CTNNA3: variants seen among roughly 807,000 people sequenced by gnomAD.
CTNNA3 encodes catenin alpha 3.
In CTNNA3, 76 loss-of-function variants were observed where a neutral mutation model predicts 95.7. The observed-to-expected ratio is 0.79, with a 90% CI of 0.66 to 0.96. CTNNA3 has a LOEUF of 0.96. Among genes scored for constraint, CTNNA3 ranks in the 40% least tolerant of loss-of-function variants. The pLI is 0.00. For synonymous variants in CTNNA3, 431 were observed against 374.4 expected (o/e 1.15, Z -1.74); for missense variants, 1,191 against 1,089.8 (o/e 1.09, Z -1.31).
intron 13 of CTNNA3, among the ~76,000 whole-genome samples, chr10:66,121,923 A>G (rs2082601817): frequency 6.6e-6 from 1 of 152,214 alleles, no homozygotes; most frequent in Admixed American, 6.5e-5. Context: ...CTGGTACAAA[A>G]GATGTTCATG....
At chr10:67,526,429 T>C (rs555887497) in intron 4 of CTNNA3, among the ~76,000 whole-genome samples, 49 of 150,718 alleles carry the variant, frequency 3.3e-4, no homozygotes, top group African/African-American at 1.2e-3. Context: ...GAGATCTAAA[T>C]TAGAAATAGT....
intron 12 of CTNNA3, among the ~76,000 whole-genome samples, chr10:66,312,014 A>G (rs543754521): frequency 6.6e-6 from 1 of 152,372 alleles, no homozygotes; most frequent in African/African-American, 2.4e-5. Context: ...ACAACTAAAC[A>G]AAGCTGCTAC....
intron 5 of CTNNA3, among the ~76,000 whole-genome samples, chr10:67,233,679 A>G (rs1400486870): frequency 1.3e-5 from 2 of 150,190 alleles, no homozygotes; most frequent in Non-Finnish European, 1.5e-5. Flanking sequence ...AACTGAAGGA[A>G]ATAGACACAC....
chr10:66,189,657 C>A (rs2086560611), intron 13 of CTNNA3, among the ~76,000 whole-genome samples: 1 of 143,132 alleles, frequency 7.0e-6, no homozygotes, highest in African/African-American at 2.8e-5. Context: ...TATACACACA[C>A]ACATATATAT....
At chr10:65,982,695 ATG>A (rs368338349) in intron 16 of CTNNA3, among the ~76,000 whole-genome samples, 63 of 147,942 alleles carry the variant, frequency 4.3e-4, no homozygotes, top group Middle Eastern at 3.6e-3. Context: ...GTATATATAT[ATG>A]TGTGTGTGTG....
chr10:67,105,523 C>T (rs1374327387), intron 7 of CTNNA3, among the ~76,000 whole-genome samples: 2 of 152,164 alleles, frequency 1.3e-5, no homozygotes, highest in East Asian at 1.9e-4. Flanking sequence ...AAATATACTC[C>T]ATCTGTTCTT....
chr10:66,228,401 T>C (rs1002044679), intron 13 of CTNNA3, among the ~76,000 whole-genome samples: 10 of 152,090 alleles, frequency 6.6e-5, no homozygotes, highest in African/African-American at 2.4e-4. Flanking sequence ...TTCATGTTCT[T>C]CTTAATTTTT....
At chr10:66,748,998 C>T (rs1287610553) in intron 9 of CTNNA3, among the ~76,000 whole-genome samples, 3 of 149,312 alleles carry the variant, frequency 2.0e-5, no homozygotes, top group Non-Finnish European at 4.4e-5. Flanking sequence ...ATAGTGAAAC[C>T]CCATCTCTTC....
At chr10:66,980,751 G>A (rs528694575) in intron 7 of CTNNA3, among the ~76,000 whole-genome samples, 30 of 152,158 alleles carry the variant, frequency 2.0e-4, no homozygotes, top group Non-Finnish European at 2.8e-4. Context: ...ATCTCACAAG[G>A]GTCCATTGTC....
At chr10:67,220,309 C>G (rs538269887) in intron 5 of CTNNA3, among the ~76,000 whole-genome samples, 2 of 152,282 alleles carry the variant, frequency 1.3e-5, no homozygotes, top group East Asian at 3.9e-4. Context: ...CTAATGAAAC[C>G]TCCCACCATT....
At chr10:66,462,228 C>A (rs2093534664) in intron 11 of CTNNA3, among the ~76,000 whole-genome samples, 1 of 151,942 alleles carries the variant, frequency 6.6e-6, no homozygotes, top group Non-Finnish European at 1.5e-5. Context: ...AGAAATGGGG[C>A]AAAATGGTTT....
At chr10:66,748,512 A>T (rs1838979377) in intron 9 of CTNNA3, among the ~76,000 whole-genome samples, 1 of 152,220 alleles carries the variant, frequency 6.6e-6, no homozygotes, top group Non-Finnish European at 1.5e-5. Flanking sequence ...TTAAACAAAA[A>T]TGCTTAAATC....
intron 5 of CTNNA3, among the ~76,000 whole-genome samples, chr10:67,465,803 A>G (rs1317167130): frequency 1.3e-5 from 2 of 152,190 alleles, no homozygotes; most frequent in East Asian, 1.9e-4. Flanking sequence ...ATGCACAAAA[A>G]ATTAATAATA....
At chr10:66,842,846 G>A (rs1843113656) in intron 7 of CTNNA3, among the ~76,000 whole-genome samples, 1 of 152,128 alleles carries the variant, frequency 6.6e-6, no homozygotes, top group Non-Finnish European at 1.5e-5. Flanking sequence ...AGGTTGAAGA[G>A]ACTGAATTAT....
At chr10:67,229,998 G>C (rs1865111307) in intron 5 of CTNNA3, among the ~76,000 whole-genome samples, 2 of 152,084 alleles carry the variant, frequency 1.3e-5, no homozygotes, top group East Asian at 3.9e-4. Flanking sequence ...AACCAAAAAA[G>C]AACCTGCATA....
chr10:66,903,782 C>T (rs1845862642), intron 7 of CTNNA3, among the ~76,000 whole-genome samples: 1 of 152,066 alleles, frequency 6.6e-6, no homozygotes, highest in African/African-American at 2.4e-5. Flanking sequence ...TTCACAATTG[C>T]TACAAAGAGA....
At chr10:66,422,879 C>CCG (rs200327510) in intron 11 of CTNNA3, among the ~76,000 whole-genome samples, 29 of 151,798 alleles carry the variant, frequency 1.9e-4, no homozygotes, top group Non-Finnish European at 4.1e-4. Flanking sequence ...ATCCACCTCC[C>CCG]TCGGCCTACC....
At chr10:66,086,502 A>G (rs965533950) in intron 14 of CTNNA3, among the ~76,000 whole-genome samples, 1 of 152,128 alleles carries the variant, frequency 6.6e-6, no homozygotes, top group Non-Finnish European at 1.5e-5. Flanking sequence ...TTTTTTAAAA[A>G]GTAGCAGAAT....
At chr10:66,429,125 C>A (rs577451157) in intron 11 of CTNNA3, among the ~76,000 whole-genome samples, 3 of 151,642 alleles carry the variant, frequency 2.0e-5, no homozygotes, top group East Asian at 2.0e-4. Context: ...ACTGTAAACA[C>A]CTCTACACAA....
Sources: gnomAD v4.1 joint callset for allele counts (sites outside exome capture counted in the v4.1 genomes callset) on GRCh38, gnomAD v4.1.1 for gene constraint, MANE v1.5 for transcripts, NCBI Gene and HGNC (gene_info 2026-07-23, HGNC 2026-07-21) for gene names.